TOGARAM1: variants seen among roughly 807,000 people sequenced by gnomAD.
The protein encoded by TOGARAM1 is TOG array regulator of axonemal microtubules 1, also known as TOG array regulator of axonemal microtubules protein 1.
Under a neutral mutation model 166.6 loss-of-function variants are expected in TOGARAM1, and 100 were observed. The ratio of observed to expected loss-of-function variants is 0.60; its 90% CI spans 0.51 to 0.71. TOGARAM1 has a LOEUF of 0.71. TOGARAM1 is among the 30% of genes least tolerant of loss of function. The probability of loss-of-function intolerance (pLI) is 0.00; values close to 1 mark genes in which losing one functional copy is unlikely to be tolerated. For missense variants in TOGARAM1, 2,029 were observed against 2,102.7 expected (o/e 0.96, Z 0.69); for synonymous variants, 758 against 763.8 (o/e 0.99, Z 0.13).
rs748258998 is a variant in TOGARAM1, at chr14:45,054,436, G to T, written c.4446G>T (p.Leu1482Phe). 2 of 1,599,690 alleles carry T rather than the reference G, an allele frequency of 1.3e-6. No homozygotes were observed. The highest frequency in any genetic ancestry group is 1.7e-6 in the Non-Finnish European group (2 of 1,169,122). The change falls in exon 16 of 20, where the codon TTG (leucine) becomes TTT (phenylalanine). Residue 1482 changes from leucine (L) to phenylalanine (F), a missense_variant. By Grantham distance (22) the Leu-to-Phe change is conservative (BLOSUM62 0). Coordinates refer to ENST00000361462, the MANE Select transcript of TOGARAM1 (RefSeq NM_001308120.2). ...DSVRNLQQKG[L>F]GEIPLDTPSA... ...AATTTTATATTTACTTGCAGGGTTT[G>T]GGGGAGATACCATTAGATACTCCTT... is the stretch of plus-strand genomic sequence containing the variant.
intron 2 of TOGARAM1, 131 bp from the exon 3 acceptor site, chr14:44,999,232 G>T: frequency 1.2e-6 from 1 of 820,254 alleles, no homozygotes; most frequent in Non-Finnish European, 1.7e-6. Context: ...TTTCTTGCCT[G>T]CCTACCTCAC....
intron 15 of TOGARAM1, 115 bp downstream of exon 15, chr14:45,052,677 CTATTGGACTATATCT>C (rs1177868250): frequency 1.1e-6 from 1 of 929,080 alleles, no homozygotes; most frequent in Non-Finnish European, 1.6e-6. Context: ...ATCATTTGGA[CTATTGGACTATATCT>C]GCAATAGCAT....
chr14:45,034,408 A>C (rs1236461742), intron 11 of TOGARAM1, among the ~76,000 whole-genome samples: 1 of 152,188 alleles, frequency 6.6e-6, no homozygotes, highest in African/African-American at 2.4e-5. Flanking sequence ...AGAATGCCAG[A>C]TAGAGCTCCA....
chr14:45,031,591 G>A (rs556336859), intron 10 of TOGARAM1, among the ~76,000 whole-genome samples: 8 of 152,162 alleles, frequency 5.3e-5, no homozygotes, highest in South Asian at 2.1e-4. Flanking sequence ...AAATGGGATC[G>A]TACTACTTCT....
At chr14:45,022,786 T>G (rs1364304488) in intron 7 of TOGARAM1, 1 of 152,052 alleles carries the variant, frequency 6.6e-6, no homozygotes, top group African/African-American at 2.4e-5. Flanking sequence ...AATATCTGCT[T>G]GGTGATTCCC....
intron 1 of TOGARAM1, among the ~76,000 whole-genome samples, chr14:44,966,371 G>T (rs1885540443): frequency 6.6e-6 from 1 of 151,776 alleles, no homozygotes; most frequent in African/African-American, 2.4e-5. Flanking sequence ...TACTCGGGAG[G>T]CTGAGGCAAA....
intron 1 of TOGARAM1, among the ~76,000 whole-genome samples, chr14:44,975,385 T>A (rs1373822722): frequency 6.6e-6 from 1 of 152,204 alleles, no homozygotes; most frequent in Non-Finnish European, 1.5e-5. Flanking sequence ...AAGGGCAGTG[T>A]GCATCTTGTT....
chr14:44,977,231 CTTTT>C (rs397707333), intron 1 of TOGARAM1, among the ~76,000 whole-genome samples: 2 of 123,320 alleles, frequency 1.6e-5, no homozygotes. Flanking sequence ...ATTAGACAGA[CTTTT>C]TTTTTTTTTT....
In TOGARAM1 at chr14:45,002,903, C is replaced by T. The variant is rs539572279; in HGVS notation, c.2339-1158C>T. On this transcript the variant is annotated intron_variant, in intron 3 of 19. Coordinates refer to ENST00000361462, the MANE Select transcript of TOGARAM1 (RefSeq NM_001308120.2). ...CTGAAGCAGGAGAATGGTGTGAACC[C>T]GGGAGGCAGAGCTTGCAGTGAGCTG... Among the ~76,000 whole-genome samples the T allele has an allele frequency of 7.9e-5, 12 of 152,090 alleles. No homozygotes were observed. In the South Asian group the frequency reaches 1.0e-3, roughly 13 times the overall value.
chr14:45,066,294 C>G (rs1883134971), intron 16 of TOGARAM1, among the ~76,000 whole-genome samples: 1 of 152,124 alleles, frequency 6.6e-6, no homozygotes, highest in African/African-American at 2.4e-5. Context: ...ACTTGTGCAC[C>G]TGTTCCCTCA....
chr14:44,962,740 C>G lies in TOGARAM1; in HGVS notation c.319C>G (p.Arg107Gly). The G allele has an allele frequency of 6.2e-7, 1 of 1,613,742 alleles. No individual in the cohort carries two copies. The highest frequency in any genetic ancestry group is 1.1e-5 in the South Asian group (1 of 91,080). Reference sequence around the variant, plus strand: ...GCTCCTTCAACTCCTCCGCACTGCCCGGGATCCTTCTGAGGCCTTCCAGGC... The same window carrying G: ...GCTCCTTCAACTCCTCCGCACTGCCGGGGATCCTTCTGAGGCCTTCCAGGC... ...TRLLQLLRTA[R>G]DPSEAFQALQ... Residue 107 changes from arginine to glycine, a missense_variant, in exon 1 of 20, where the codon CGG becomes GGG. Arg to Gly is a moderately radical substitution (Grantham distance 125, BLOSUM62 -2). Coordinates refer to ENST00000361462, the MANE Select transcript of TOGARAM1 (RefSeq NM_001308120.2).
intron 1 of TOGARAM1, among the ~76,000 whole-genome samples, chr14:44,980,537 T>C (rs889431402): frequency 6.6e-6 from 1 of 152,058 alleles, no homozygotes; most frequent in Non-Finnish European, 1.5e-5. Context: ...AAAAATTAGT[T>C]GGGCATGGTG....
intron 2 of TOGARAM1, among the ~76,000 whole-genome samples, chr14:44,998,371 G>T (rs1374713534): frequency 6.6e-6 from 1 of 152,238 alleles, no homozygotes; most frequent in East Asian, 1.9e-4. Flanking sequence ...GAAAACATAG[G>T]TATTGAAGTG....
Position 44,963,438 on chromosome 14 carries a change from G to T in TOGARAM1, c.1017G>T (p.Val339=). 1 of 1,614,146 alleles carries T rather than the reference G, an allele frequency of 6.2e-7. No homozygotes were observed. The highest frequency in any genetic ancestry group is 8.5e-7 in the Non-Finnish European group (1 of 1,180,026). Residue 339 remains valine, a synonymous_variant, in exon 1 of 20, where the codon GTG becomes GTT. Coordinates refer to ENST00000361462, the MANE Select transcript of TOGARAM1 (RefSeq NM_001308120.2). ...CTGAAGATCCCCTTCCCTGTGCAGT[G>T]ACTCTTTCCAACAGCAATCTTAAAT... ...GFPEDPLPCA[V]TLSNSNLKFG... is the part of the protein sequence containing the mutation.
chr14:44,963,260 T>G lies in TOGARAM1; in HGVS notation c.839T>G (p.Leu280Arg), dbSNP rs1225868900. 1 of 1,614,192 alleles carries G rather than the reference T, an allele frequency of 6.2e-7. No homozygotes were observed. The highest frequency in any genetic ancestry group is 1.1e-5 in the South Asian group (1 of 91,084). ...GAATCTGAGACAGCTTTCTCCGCAC[T>G]TCAACAAATTGGGGAGCGACTTGGC... ...EEESETAFSA[L>R]QQIGERLGQD... The change falls in exon 1 of 20, where the codon CTT becomes CGT. Residue 280 changes from leucine to arginine, a missense_variant. Physicochemically the swap from Leu to Arg is moderately radical, Grantham distance 102 (BLOSUM62 -2). Around this residue, in one of 2 missense-constraint regions of TOGARAM1, gnomAD observed 1,453 missense variants for 1,432.2 expected, o/e 1.01. Transcript: ENST00000361462.
Position 45,073,397 on chromosome 14 carries a change from C to G in TOGARAM1, c.5158C>G (p.Leu1720Val). The G allele has an allele frequency of 6.2e-7, 1 of 1,614,138 alleles. No homozygotes were observed. Among genetic ancestry groups the G allele is most frequent in the African/African-American group, 1.3e-5 (1 of 75,026 alleles). Residue 1720 changes from leucine to valine, a missense_variant, in exon 20 of 20, where the codon CTG becomes GTG. Physicochemically the swap from Leu to Val is conservative, Grantham distance 32 (BLOSUM62 1). Transcript: ENST00000361462. Reference sequence around the variant, plus strand: ...AGGAAATATGACAAATAGTGGCTCTCTGCCTGGAGCTGGAGGAAATATACG... The same window carrying G: ...AGGAAATATGACAAATAGTGGCTCTGTGCCTGGAGCTGGAGGAAATATACG... ...LLGNMTNSGS[L>V]PGAGGNIRTA...
At chr14:44,982,928 A>G (rs1886607965) in intron 1 of TOGARAM1, among the ~76,000 whole-genome samples, 1 of 152,194 alleles carries the variant, frequency 6.6e-6, no homozygotes. Flanking sequence ...CTTCCCACAA[A>G]TATCAACAAA....
chr14:44,970,490 A>G (rs1566596871), intron 1 of TOGARAM1, among the ~76,000 whole-genome samples: 1 of 152,162 alleles, frequency 6.6e-6, no homozygotes, highest in Non-Finnish European at 1.5e-5. Flanking sequence ...TCATCTGTGA[A>G]CAAAGACAAT....
chr14:45,043,554 T>C, intron 11 of TOGARAM1, 132 bp from the exon 12 acceptor site: 2 of 634,306 alleles, frequency 3.2e-6, no homozygotes, highest in Non-Finnish European at 5.6e-6. Flanking sequence ...TCAAAACTTT[T>C]CTTCTGAGCC....
Sources: gnomAD v4.1 joint callset for allele counts (sites outside exome capture counted in the v4.1 genomes callset) on GRCh38, gnomAD v4.1.1 for gene constraint, gnomAD v4.1.1 regional missense constraint, MANE v1.5 for transcripts, NCBI Gene and HGNC (gene_info 2026-07-23, HGNC 2026-07-21) for gene names.